The following LRP1 variants were observed in gnomAD, a reference collection of about 807,000 sequenced individuals.
LRP1 encodes the protein LDL receptor related protein 1.
Under a neutral mutation model 541.5 loss-of-function variants are expected in LRP1, and 51 were observed. The ratio of observed to expected loss-of-function variants is 0.09; its 90% confidence interval spans 0.08 to 0.12. The LOEUF is 0.12. Ranked by LOEUF, LRP1 falls within the 10% of genes least tolerant of loss-of-function variation. The probability of loss-of-function intolerance (pLI) is 1.00; values close to 1 mark genes in which losing one functional copy is unlikely to be tolerated. For synonymous variants in LRP1, 2,219 were observed against 2,470.8 expected, an observed-to-expected ratio of 0.90 and a Z score of 3.02; for missense variants, 3,878 against 6,376.2, an observed-to-expected ratio of 0.61 and a Z score of 13.34.
intron 68 of LRP1, chr12:57,202,798 A>C: frequency 5.5e-6 from 3 of 549,206 alleles, no homozygotes; most frequent in Non-Finnish European, 9.8e-6. Flanking sequence ...CTCCCACCAT[A>C]CCCCCACCTC....
Position 57,211,814 on chromosome 12 carries a change from C to G in LRP1, c.13258C>G (p.His4420Asp), listed in dbSNP as rs374622388. The change falls in exon 86 of 89, where the codon CAT (histidine) becomes GAT (aspartate). Residue 4420 changes from histidine to aspartate, a missense_variant and splice_region_variant. This residue lies in a region of LRP1 where 871 missense variants were observed against 1,212.4 expected (regional missense o/e 0.72). Coordinates refer to ENST00000243077, the MANE Select transcript of LRP1 (RefSeq NM_002332.3). This position sits in a 1 kb window ranked among gnomAD's most constrained non-coding sequence, Gnocchi z 4.3. ...EHVFSQQQPGHIASILIPLLL... is the reference protein window; with the variant it reads ...EHVFSQQQPGDIASILIPLLL... ...CGTCTTCAGCCAGCAGCAGCCAGGACGTAGGTGGCAGGGGTTGGGGCAGGC... is the reference window on the plus strand; with the variant it reads ...CGTCTTCAGCCAGCAGCAGCCAGGAGGTAGGTGGCAGGGGTTGGGGCAGGC... 2 of 1,612,630 alleles carry G rather than the reference C, an allele frequency of 1.2e-6. No homozygotes were observed. Among genetic ancestry groups the G allele is most frequent in the African/African-American group, 2.7e-5 (2 of 74,912 alleles).
In LRP1 at chr12:57,177,731, G is replaced by C. The variant is rs1298504483; in HGVS notation, c.4361+140G>C. ...GGTGGCAAAGGACTGGGCACAGGAG[G>C]AGGAGGACGGAGGGGCGTGGGGAGG... On this transcript the variant is annotated intron_variant, in intron 26 of 88. Coordinates refer to ENST00000243077, the MANE Select transcript of LRP1 (RefSeq NM_002332.3). This position sits in a 1 kb window ranked among gnomAD's most constrained non-coding sequence, Gnocchi z 6.8. The C allele has an allele frequency of 9.8e-7, 1 of 1,019,042 alleles. No individual in the cohort carries two copies. Among genetic ancestry groups the C allele is most frequent in the East Asian group, 2.6e-5 (1 of 38,312 alleles). The allele number at this position is 1,019,042 out of a possible 1,614,324, so 63.1% of individuals were successfully genotyped here.
Position 57,185,429 on chromosome 12 carries a change from A to T in LRP1, c.6464-102A>T. 7.0e-7 allele frequency: 1 copy of T among 1,429,150 alleles called. No homozygotes were observed. The allele number at this position is 1,429,150 out of a possible 1,614,324, so 88.5% of individuals were successfully genotyped here. On this transcript the variant is annotated intron_variant, in intron 40 of 88. Transcript: ENST00000243077. The surrounding 1 kb of genome is among the most constrained non-coding windows in gnomAD (Gnocchi z 4.9). ...CTGGAGGGTCATTCAAGCTGGGAAT[A>T]CCGAGGCAGAGGGCAGAGCTTTCGC...
In LRP1 at chr12:57,156,366, G is replaced by A; in HGVS notation, c.1417+83G>A. Reference sequence around the variant, plus strand: ...CCTTGGGATCACAGCCCCTCTCTGGGCCCTCCTGTGGGGACCCTGGCTTCT... The same window carrying A: ...CCTTGGGATCACAGCCCCTCTCTGGACCCTCCTGTGGGGACCCTGGCTTCT... On this transcript the variant is annotated intron_variant, in intron 9 of 88. Transcript: ENST00000243077. The surrounding 1 kb of genome is among the most constrained non-coding windows in gnomAD (Gnocchi z 5.2). 7.1e-7 allele frequency: 1 copy of A among 1,400,860 alleles called. No homozygotes were observed. Among genetic ancestry groups the A allele is most frequent in the Non-Finnish European group, 9.7e-7 (1 of 1,029,008 alleles). 86.8% of individuals were successfully genotyped at this position (1,400,860 alleles called of 1,614,324 possible).
At chr12:57,190,330 G>A (rs1338313160) in intron 42 of LRP1, among the ~76,000 whole-genome samples, 1 of 152,236 alleles carries the variant, frequency 6.6e-6, no homozygotes, top group Non-Finnish European at 1.5e-5. Context: ...CTCACATAGT[G>A]TGTGCCATCT....
In LRP1 at chr12:57,192,912, C is replaced by A; in HGVS notation, c.7497C>A (p.Gly2499=). The change falls in exon 45 of 89, where the codon GGC becomes GGA. Residue 2499 remains glycine, a synonymous_variant. Coordinates refer to ENST00000243077, the MANE Select transcript of LRP1 (RefSeq NM_002332.3). ...ACCTGTGTCTGCTCACTCACCAGGG[C>A]CATGTCAACTGCTCATGCCGAGGGG... ...CQDLCLLTHQ[G]HVNCSCRGGR... is the part of the protein sequence containing the mutation. The A allele has an allele frequency of 6.2e-7, 1 of 1,614,068 alleles. No homozygotes were observed. Among genetic ancestry groups the A allele is most frequent in the South Asian group, 1.1e-5 (1 of 91,086 alleles).
intron 44 of LRP1, among the ~76,000 whole-genome samples, chr12:57,192,606 C>T (rs746285943): frequency 1.3e-5 from 2 of 152,222 alleles, no homozygotes; most frequent in South Asian, 2.1e-4. Flanking sequence ...TCAAAGCCCA[C>T]GGTGCCCTGC....
At position 57,206,819 on chromosome 12, in the gene LRP1, A is replaced by C; in HGVS notation, c.11859+78A>C. 6.6e-7 allele frequency: 1 copy of C among 1,518,520 alleles called. No individual in the cohort carries two copies. The highest frequency in any genetic ancestry group is 8.9e-7 in the Non-Finnish European group (1 of 1,121,094). 94.1% of individuals were successfully genotyped at this position (1,518,520 alleles called of 1,614,324 possible). On this transcript the variant is annotated intron_variant, in intron 76 of 88. Transcript: ENST00000243077. The surrounding 1 kb of genome is among the most constrained non-coding windows in gnomAD (Gnocchi z 4.7). ...GTTCAGAGCAGGATTTGAAAAGGGCAGTGCTGGCTAGGCGCAGTGGCTCAC... is the reference window on the plus strand; with the variant it reads ...GTTCAGAGCAGGATTTGAAAAGGGCCGTGCTGGCTAGGCGCAGTGGCTCAC...
In LRP1 at chr12:57,184,773, T is replaced by C; in HGVS notation, c.6187-66T>C. On this transcript the variant is annotated intron_variant, in intron 38 of 88. Transcript: ENST00000243077. This position sits in a 1 kb window ranked among gnomAD's most constrained non-coding sequence, Gnocchi z 7.8. ...TCACTCTGGCCCAGGCACTCCCTGC[T>C]GCCCCAGACATGGGGCTGGCAGCGA... 6.5e-7 allele frequency: 1 copy of C among 1,543,318 alleles called. No individual in the cohort carries two copies. Among genetic ancestry groups the C allele is most frequent in the Admixed American group, 1.8e-5 (1 of 55,408 alleles).
chr12:57,212,609 G>T lies in LRP1; in HGVS notation c.*54G>T, dbSNP rs1160835686. The stretch of plus-strand genomic sequence containing the variant: ...AAGCCTCCTGCCCCCTGCCAGTGAA[G>T]TCCTTCAGTGAGCCCCTCCCCAGCC... On this transcript the variant is annotated 3_prime_UTR_variant, in exon 89 of 89. Coordinates refer to ENST00000243077, the MANE Select transcript of LRP1 (RefSeq NM_002332.3). This position sits in a 1 kb window ranked among gnomAD's most constrained non-coding sequence, Gnocchi z 5.0. The T allele has an allele frequency of 8.6e-6, 13 of 1,508,710 alleles. No individual in the cohort carries two copies. Among genetic ancestry groups the T allele is most frequent in the Non-Finnish European group, 1.2e-5 (13 of 1,126,734 alleles). 93.5% of individuals were successfully genotyped at this position (1,508,710 alleles called of 1,614,324 possible).
intron 42 of LRP1, among the ~76,000 whole-genome samples, chr12:57,188,823 G>T (rs2036321466): frequency 6.6e-6 from 1 of 152,208 alleles, no homozygotes; most frequent in African/African-American, 2.4e-5. Context: ...GTCAGGGAAC[G>T]TGTCCTTGAA....
In LRP1 at chr12:57,158,704, C is replaced by T. The variant is rs1211811767; in HGVS notation, c.1798+66C>T. On this transcript the variant is annotated intron_variant, in intron 11 of 88. Transcript: ENST00000243077. The surrounding 1 kb of genome is among the most constrained non-coding windows in gnomAD (Gnocchi z 5.3). ...GGCTGGGGCCCAGGCATCTGTTTCT[C>T]GGTGCCCTCTCAGCAGGATGGTCCC... 1.5e-5 allele frequency: 22 copies of T among 1,441,268 alleles called. No individual in the cohort carries two copies. Among genetic ancestry groups the T allele is most frequent in the South Asian group, 1.3e-4 (11 of 85,862 alleles). The allele number at this position is 1,441,268 out of a possible 1,614,324, so 89.3% of individuals were successfully genotyped here. A position where few individuals can be genotyped will look rare whatever the true frequency, so the allele number is the denominator to read the frequency against.
At chr12:57,147,802 T>C (rs908524972) in intron 6 of LRP1, among the ~76,000 whole-genome samples, 4 of 152,176 alleles carry the variant, frequency 2.6e-5, no homozygotes, top group Admixed American at 6.5e-5. Context: ...GTCAGACCTG[T>C]TGTGGAGTCC....
chr12:57,128,845 T>G lies in LRP1; in HGVS notation c.-120T>G, dbSNP rs1026248602. The G allele has an allele frequency of 2.8e-5, 24 of 855,726 alleles. No homozygotes were observed. The highest frequency in any genetic ancestry group is 3.9e-5 in the Non-Finnish European group (22 of 557,100). 53.0% of individuals were successfully genotyped at this position (855,726 alleles called of 1,614,324 possible). Reference sequence around the variant, plus strand: ...TGGTGCGCTTTGCCGAAGGAAAGAATAAGAACAGAGAAGGAGGAGGGGGAA... The same window carrying G: ...TGGTGCGCTTTGCCGAAGGAAAGAAGAAGAACAGAGAAGGAGGAGGGGGAA... On this transcript the variant is annotated 5_prime_UTR_variant, in exon 1 of 89. Coordinates refer to ENST00000243077, the MANE Select transcript of LRP1 (RefSeq NM_002332.3).
At position 57,193,218 on chromosome 12, in the gene LRP1, C is replaced by T; in HGVS notation, c.7598C>T (p.Ala2533Val). The change falls in exon 46 of 89, where the codon GCC (alanine) becomes GTC (valine). Residue 2533 changes from alanine to valine, a missense_variant. Around this residue, in one of 13 missense-constraint regions of LRP1, gnomAD observed 1,100 missense variants for 1,827.4 expected, o/e 0.60. Transcript: ENST00000243077. ...CGAGCACAAGATGAGTTTGAGTGTG[C>T]CAATGGCGAGTGCATCAACTTCAGC... ...SCRAQDEFEC[A>V]NGECINFSLT... The T allele has an allele frequency of 6.2e-7, 1 of 1,614,122 alleles. No individual in the cohort carries two copies. The highest frequency in any genetic ancestry group is 8.5e-7 in the Non-Finnish European group (1 of 1,180,020).
intron 43 of LRP1, 22 bp from the exon 44 acceptor site, chr12:57,191,298 G>A (rs775693327): frequency 1.6e-5 from 25 of 1,579,046 alleles, no homozygotes; most frequent in African/African-American, 2.7e-5. Flanking sequence ...ATGCTGTGAC[G>A]GTGATGGTGC....
intron 6 of LRP1, chr12:57,149,788 G>A: frequency 2.8e-6 from 2 of 706,278 alleles, no homozygotes; most frequent in South Asian, 1.5e-5. Flanking sequence ...GAAACAAGGA[G>A]CATGAGGCCA....
chr12:57,161,998 AGTGTGTGT>A (rs113233161), intron 13 of LRP1, among the ~76,000 whole-genome samples: 1 of 149,632 alleles, frequency 6.7e-6, no homozygotes, highest in African/African-American at 2.4e-5. Context: ...CACGCATATG[AGTGTGTGT>A]GTGTGTGTGT....
rs775726989 is a variant in LRP1, at chr12:57,178,120, C to T, written c.4362-239C>T. On this transcript the variant is annotated intron_variant, in intron 26 of 88. Transcript: ENST00000243077. This position sits in a 1 kb window ranked among gnomAD's most constrained non-coding sequence, Gnocchi z 5.8. The stretch of plus-strand genomic sequence containing the variant: ...GACAGCAGCCCTGGGGAGAAGTGAC[C>T]GAAAGATTCCCTTGGGGCTTGGGAA... 3.3e-5 allele frequency among the ~76,000 whole-genome samples: 5 copies of T among 152,034 alleles called. No homozygotes were observed. Among genetic ancestry groups the T allele is most frequent in the Non-Finnish European group, 7.4e-5 (5 of 68,000 alleles).
Sources: allele counts gnomAD v4.1 joint callset (sites outside exome capture counted in the v4.1 genomes callset), GRCh38; gene constraint gnomAD v4.1.1; regional missense constraint gnomAD v4.1.1; non-coding constraint Gnocchi (gnomAD v3.1); transcripts MANE v1.5; gene names NCBI Gene and HGNC (gene_info 2026-07-23, HGNC 2026-07-21).